The following ARHGEF3 variants were observed in gnomAD, a reference collection of about 807,000 sequenced individuals.
The protein encoded by ARHGEF3 is 59.8 kDA protein.
ARHGEF3 carries 28 observed loss-of-function variants against 63.2 expected under a neutral mutation model. That is an observed-to-expected ratio of 0.44 (90% CI 0.33 to 0.61). The LOEUF is 0.61. ARHGEF3 is among the 20% of genes least tolerant of loss of function. ARHGEF3 has a pLI of 0.03. For missense variants in ARHGEF3, 533 were observed against 659.3 expected (o/e 0.81, Z 2.10); for synonymous variants, 266 against 254.2 (o/e 1.05, Z -0.44).
chr3:56,742,621 A>T (rs1425603086), intron 7 of ARHGEF3, among the ~76,000 whole-genome samples: 2 of 152,196 alleles, frequency 1.3e-5, no homozygotes, highest in East Asian at 3.9e-4. Context: ...ACAGGGCTAA[A>T]TAATTCTGTT....
chr3:56,930,804 C>T (rs1163889702), intron 3 of ARHGEF3, among the ~76,000 whole-genome samples: 3 of 152,126 alleles, frequency 2.0e-5, no homozygotes, highest in African/African-American at 7.2e-5. Context: ...AGATGATGTT[C>T]AATACCACGC....
chr3:56,827,543 T>C (rs1214115850), intron 4 of ARHGEF3, among the ~76,000 whole-genome samples: 1 of 152,054 alleles, frequency 6.6e-6, no homozygotes, highest in South Asian at 2.1e-4. Context: ...TGCACATGAA[T>C]GCACTCAGTG....
At chr3:56,867,483 A>ATTTT (rs869028837) in intron 4 of ARHGEF3, among the ~76,000 whole-genome samples, 4 of 127,574 alleles carry the variant, frequency 3.1e-5, no homozygotes, top group African/African-American at 9.0e-5. Context: ...TTATTTATTT[A>ATTTT]TTTTTTTGAG....
At chr3:56,981,939 G>A (rs1185340719) in intron 2 of ARHGEF3, among the ~76,000 whole-genome samples, 1 of 152,166 alleles carries the variant, frequency 6.6e-6, no homozygotes, top group African/African-American at 2.4e-5. Flanking sequence ...ATTCAGGAAG[G>A]GCCAACCCCA....
At chr3:57,029,290 C>T (rs1327861045) in intron 2 of ARHGEF3, among the ~76,000 whole-genome samples, 2 of 152,094 alleles carry the variant, frequency 1.3e-5, no homozygotes, top group African/African-American at 2.4e-5. Flanking sequence ...ATTAGCTGGT[C>T]GTGGTGGCAC....
chr3:56,820,250 C>T (rs1031897297), intron 4 of ARHGEF3, among the ~76,000 whole-genome samples: 6 of 152,136 alleles, frequency 3.9e-5, no homozygotes, highest in African/African-American at 1.4e-4. Context: ...TAAGACTCTA[C>T]CCAGGGAGGT....
intron 8 of ARHGEF3, among the ~76,000 whole-genome samples, chr3:56,734,889 G>C (rs554059475): frequency 1.3e-5 from 2 of 152,280 alleles, no homozygotes; most frequent in Admixed American, 6.5e-5. Flanking sequence ...TTTGGGGGCT[G>C]TTTTAATGTA....
chr3:57,031,262 TA>T (rs1703720793), intron 2 of ARHGEF3, among the ~76,000 whole-genome samples: 1 of 152,148 alleles, frequency 6.6e-6, no homozygotes, highest in East Asian at 1.9e-4. Context: ...ACTAAAAAGA[TA>T]AATACATCTA....
At chr3:57,042,682 A>AT (rs1704256188) in intron 1 of ARHGEF3, among the ~76,000 whole-genome samples, 3 of 17,318 alleles carry the variant, frequency 1.7e-4, no homozygotes, top group African/African-American at 4.6e-4. Context: ...ATATATATAT[A>AT]TATATATATA....
chr3:56,779,701 A>T (rs1165716876), intron 1 of ARHGEF3, among the ~76,000 whole-genome samples: 1 of 152,172 alleles, frequency 6.6e-6, no homozygotes, highest in Non-Finnish European at 1.5e-5. Flanking sequence ...CTTGCTTTGT[A>T]CCTTTTCTTT....
chr3:56,783,774 C>T (rs1369288010), intron 1 of ARHGEF3, among the ~76,000 whole-genome samples: 1 of 152,200 alleles, frequency 6.6e-6, no homozygotes, highest in Non-Finnish European at 1.5e-5. Flanking sequence ...TTCAAAGTTA[C>T]TCGTTTTAGT....
At chr3:56,927,364 T>C (rs571905561) in intron 3 of ARHGEF3, among the ~76,000 whole-genome samples, 4 of 152,258 alleles carry the variant, frequency 2.6e-5, no homozygotes, top group African/African-American at 7.2e-5. Flanking sequence ...CAAAAAGCAA[T>C]TATAAGTGCT....
chr3:56,942,288 G>A (rs1256776789), intron 3 of ARHGEF3, among the ~76,000 whole-genome samples: 1 of 152,174 alleles, frequency 6.6e-6, no homozygotes, highest in Non-Finnish European at 1.5e-5. Flanking sequence ...TTTTCCAACA[G>A]TATGTGCTCA....
chr3:56,915,875 A>T (rs1466743264), intron 3 of ARHGEF3, among the ~76,000 whole-genome samples: 2 of 152,234 alleles, frequency 1.3e-5, no homozygotes, highest in Non-Finnish European at 2.9e-5. Flanking sequence ...AAATAGCAAC[A>T]ACAAAACAGA....
At chr3:56,809,592 C>G (rs554757797) in intron 4 of ARHGEF3, among the ~76,000 whole-genome samples, 3,051 of 152,262 alleles carry the variant, frequency 0.02, 102 homozygotes, top group African/African-American at 0.069. Flanking sequence ...GTTCTGCCCA[C>G]AGAAGTAATA....
At chr3:56,927,804 C>T (rs1430628523) in intron 3 of ARHGEF3, among the ~76,000 whole-genome samples, 1 of 152,212 alleles carries the variant, frequency 6.6e-6, no homozygotes, top group African/African-American at 2.4e-5. Context: ...TTGATTTCCT[C>T]ATCTCTGCAA....
intron 4 of ARHGEF3, among the ~76,000 whole-genome samples, chr3:56,839,470 T>C (rs1258587333): frequency 6.6e-6 from 1 of 152,198 alleles, no homozygotes; most frequent in Non-Finnish European, 1.5e-5. Flanking sequence ...ACTAAACCAA[T>C]GTTACTTTCC....
chr3:57,025,824 T>C (rs1037304578), intron 2 of ARHGEF3, among the ~76,000 whole-genome samples: 1 of 152,174 alleles, frequency 6.6e-6, no homozygotes, highest in Non-Finnish European at 1.5e-5. Context: ...CCCAGCACAG[T>C]GCCTGGCACA....
intron 4 of ARHGEF3, among the ~76,000 whole-genome samples, chr3:56,881,726 T>C (rs1275485989): frequency 8.6e-5 from 13 of 151,428 alleles, no homozygotes. Context: ...ACTTTTATTG[T>C]TTTATTTGAC....
Sources: allele counts gnomAD v4.1 joint callset (sites outside exome capture counted in the v4.1 genomes callset), GRCh38; gene constraint gnomAD v4.1.1; transcripts MANE v1.5; gene names NCBI Gene and HGNC (gene_info 2026-07-23, HGNC 2026-07-21).